Variants in MACROD2 observed in about 807,000 individuals in gnomAD.
MACROD2 encodes ADP-ribose glycohydrolase MACROD2.
Under a neutral mutation model 70.4 loss-of-function variants are expected in MACROD2, and 36 were observed. That is an observed-to-expected ratio of 0.51 (90% CI 0.39 to 0.68). The LOEUF is 0.68. Among genes scored for constraint, MACROD2 ranks in the 30% least tolerant of loss-of-function variants. The probability of loss-of-function intolerance (pLI) is 0.00; values close to 1 mark genes in which losing one functional copy is unlikely to be tolerated. For synonymous variants in MACROD2, 172 were observed against 178.8 expected (o/e 0.96, Z 0.30); for missense variants, 496 against 538.4 (o/e 0.92, Z 0.78).
chr20:15,549,775 G>A (rs1352654172), intron 8 of MACROD2, among the ~76,000 whole-genome samples: 1 of 152,022 alleles, frequency 6.6e-6, no homozygotes, highest in Non-Finnish European at 1.5e-5. Flanking sequence ...CATATTCCCT[G>A]ACTGTGGGCA....
At chr20:14,922,981 A>C (rs1258835623) in intron 5 of MACROD2, among the ~76,000 whole-genome samples, 2 of 152,206 alleles carry the variant, frequency 1.3e-5, no homozygotes, top group Non-Finnish European at 1.5e-5. Context: ...ATATTTCTAC[A>C]AAGGCTGTTG....
chr20:14,512,463 A>C (rs1032743368), intron 4 of MACROD2, among the ~76,000 whole-genome samples: 1 of 152,146 alleles, frequency 6.6e-6, no homozygotes, highest in Non-Finnish European at 1.5e-5. Context: ...GAATGAAATA[A>C]ATACGGGTTA....
At chr20:14,378,151 T>G (rs913374387) in intron 3 of MACROD2, among the ~76,000 whole-genome samples, 1 of 152,212 alleles carries the variant, frequency 6.6e-6, no homozygotes, top group Non-Finnish European at 1.5e-5. Context: ...AGTTTTAGCG[T>G]GGGACCTGAG....
chr20:15,685,452 T>C lies in MACROD2; in HGVS notation c.646-177293T>C, dbSNP rs544723840. 4.6e-5 allele frequency among the ~76,000 whole-genome samples: 7 copies of C among 152,318 alleles called. No homozygotes were observed. The South Asian group carries it at 1.0e-3, about 23-fold the overall frequency. Reference sequence around the variant, plus strand: ...GTCTGAAGGAGGCTTTATAAGGAAGTGCATAAAGCTTTAGAAGGTTCAGAG... The same window carrying C: ...GTCTGAAGGAGGCTTTATAAGGAAGCGCATAAAGCTTTAGAAGGTTCAGAG... On this transcript the variant is annotated intron_variant, in intron 8 of 17. Transcript: ENST00000684519.
chr20:14,941,923 A>G (rs1600853957), intron 5 of MACROD2, among the ~76,000 whole-genome samples: 1 of 150,420 alleles, frequency 6.6e-6, no homozygotes, highest in Non-Finnish European at 1.5e-5. Context: ...ATTTGGGACC[A>G]CTGACGTGTG....
At chr20:15,741,960 C>T (rs1315459815) in intron 8 of MACROD2, among the ~76,000 whole-genome samples, 1 of 152,076 alleles carries the variant, frequency 6.6e-6, no homozygotes, top group African/African-American at 2.4e-5. Flanking sequence ...TTGCCTTGAG[C>T]CCTCATACTT....
rs565114349 is a variant in MACROD2, at chr20:15,908,959, A to G, written c.775+23148A>G. Among the ~76,000 whole-genome samples the G allele has an allele frequency of 2.0e-5, 3 of 152,244 alleles. No homozygotes were observed. The South Asian group carries it at 6.2e-4, about 31-fold the overall frequency. The stretch of plus-strand genomic sequence containing the variant: ...GGCTTGTTCCAGGTACTAGGGATGT[A>G]TAAAACTTGTTGGCTTAAAATAATG... On this transcript the variant is annotated intron_variant, in intron 10 of 17. Transcript: ENST00000684519.
chr20:15,174,446 T>C (rs553846093), intron 5 of MACROD2, among the ~76,000 whole-genome samples: 3 of 152,348 alleles, frequency 2.0e-5, no homozygotes, highest in South Asian at 2.1e-4. Context: ...CTATTGTGAA[T>C]AGTGCCGCAA....
intron 8 of MACROD2, among the ~76,000 whole-genome samples, chr20:15,533,801 G>A (rs2047837822): frequency 6.6e-6 from 1 of 152,192 alleles, no homozygotes; most frequent in Admixed American, 6.5e-5. Context: ...TGTCTGAGAT[G>A]TGCCTGGGAG....
At chr20:14,001,889 C>T (rs755985832) in intron 1 of MACROD2, among the ~76,000 whole-genome samples, 25 of 152,244 alleles carry the variant, frequency 1.6e-4, no homozygotes, top group Middle Eastern at 3.4e-3. Context: ...GGGATCTGCT[C>T]CCATGACCCA....
chr20:15,410,292 G>A (rs1256199836), intron 6 of MACROD2, among the ~76,000 whole-genome samples: 1 of 152,176 alleles, frequency 6.6e-6, no homozygotes, highest in Admixed American at 6.5e-5. Context: ...AATGGATCTT[G>A]ACAAAGAGAA....
At chr20:14,325,821 G>A (rs766959891) in intron 3 of MACROD2, 3 of 1,613,858 alleles carry the variant, frequency 1.9e-6, no homozygotes, top group Non-Finnish European at 2.5e-6. Flanking sequence ...TATATGCACA[G>A]TTCCTTGAGA....
chr20:15,801,631 G>T (rs933005637), intron 8 of MACROD2, among the ~76,000 whole-genome samples: 1 of 152,116 alleles, frequency 6.6e-6, no homozygotes, highest in African/African-American at 2.4e-5. Flanking sequence ...AAGTGAGATT[G>T]TATGATGCCT....
chr20:14,455,442 C>A (rs1338951330), intron 3 of MACROD2, among the ~76,000 whole-genome samples: 3 of 151,862 alleles, frequency 2.0e-5, no homozygotes, highest in African/African-American at 7.3e-5. Flanking sequence ...TCTCATCAAT[C>A]TTTGTAAGCC....
chr20:14,590,656 T>C (rs1048710907), intron 4 of MACROD2, among the ~76,000 whole-genome samples: 1 of 152,216 alleles, frequency 6.6e-6, no homozygotes, highest in African/African-American at 2.4e-5. Context: ...AATTATCTTA[T>C]ATTGAATGAC....
chr20:14,349,223 A>G (rs2083095854), intron 3 of MACROD2, among the ~76,000 whole-genome samples: 1 of 148,860 alleles, frequency 6.7e-6, no homozygotes, highest in South Asian at 2.1e-4. Context: ...AATTAGGAAA[A>G]TAGTGTACTT....
chr20:15,101,106 A>G (rs2075868714), intron 5 of MACROD2, among the ~76,000 whole-genome samples: 1 of 152,164 alleles, frequency 6.6e-6, no homozygotes, highest in African/African-American at 2.4e-5. Flanking sequence ...GTTGCCTGAT[A>G]GTAATCTTTC....
At chr20:14,922,524 G>C (rs1353920382) in intron 5 of MACROD2, among the ~76,000 whole-genome samples, 2 of 152,188 alleles carry the variant, frequency 1.3e-5, no homozygotes, top group African/African-American at 4.8e-5. Context: ...GATTCTGGAT[G>C]CTGCTAAAAT....
chr20:14,528,623 T>G (rs2085264811), intron 4 of MACROD2, among the ~76,000 whole-genome samples: 1 of 152,192 alleles, frequency 6.6e-6, no homozygotes, highest in African/African-American at 2.4e-5. Flanking sequence ...TTAGGCTGAC[T>G]TTTCTTTTTC....
Sources: gnomAD v4.1 joint callset for allele counts (sites outside exome capture counted in the v4.1 genomes callset) on GRCh38, gnomAD v4.1.1 for gene constraint, MANE v1.5 for transcripts, NCBI Gene and HGNC (gene_info 2026-07-23, HGNC 2026-07-21) for gene names.